Variants in NBAS observed in about 807,000 individuals in gnomAD.
The protein encoded by NBAS is NBAS subunit of NRZ tethering complex, also known as NAG/BC035112 fusion.
Under a neutral mutation model 302.5 loss-of-function variants are expected in NBAS, and 219 were observed. The ratio of observed to expected loss-of-function variants is 0.72; its 90% CI spans 0.65 to 0.81. NBAS has a LOEUF of 0.81. Ranked by LOEUF, NBAS falls within the 30% of genes least tolerant of loss-of-function variation. The pLI is 0.00. For missense variants in NBAS, 2,932 were observed against 2,841.6 expected (o/e 1.03, Z -0.72); for synonymous variants, 1,118 against 1,021.6 (o/e 1.09, Z -1.80).
At chr2:15,292,798 C>A in intron 40 of NBAS, 32 bp from the exon 41 acceptor site, 1 of 1,598,416 alleles carries the variant, frequency 6.3e-7, no homozygotes, top group Non-Finnish European at 8.6e-7. Context: ...AGACATTTTA[C>A]CAACATCATA....
chr2:15,389,152 C>CA (rs1675463491), intron 28 of NBAS, among the ~76,000 whole-genome samples: 1 of 152,176 alleles, frequency 6.6e-6, no homozygotes, highest in Non-Finnish European at 1.5e-5. Flanking sequence ...GACAGGCTCT[C>CA]AAACAATGAT....
the NBAS span, among the ~76,000 whole-genome samples, chr2:14,955,898 G>A: frequency 6.6e-6 from 1 of 152,322 alleles, no homozygotes; most frequent in Admixed American, 6.5e-5. Flanking sequence ...TTTCCCCATT[G>A]CCTTGGGGAC....
chr2:15,202,409 T>C (rs189241281), intron 48 of NBAS, among the ~76,000 whole-genome samples: 214 of 152,330 alleles, frequency 1.4e-3, no homozygotes, highest in African/African-American at 4.2e-3. Context: ...AGGGGAAATA[T>C]TTTGTGTTAA....
intron 15 of NBAS, among the ~76,000 whole-genome samples, 180 bp from the exon 16 acceptor site, chr2:15,473,527 T>C (rs1240497421): frequency 6.6e-6 from 1 of 152,188 alleles, no homozygotes; most frequent in Non-Finnish European, 1.5e-5. Context: ...CGTGTTTCTT[T>C]CAGCACTTCA....
the NBAS span, among the ~76,000 whole-genome samples, chr2:14,810,265 G>T: frequency 3.3e-5 from 5 of 152,154 alleles, no homozygotes; most frequent in Non-Finnish European, 5.9e-5. Flanking sequence ...ATATGGTTTG[G>T]CTGTGTCCCC....
At chr2:15,497,811 C>T (rs1681124337) in intron 11 of NBAS, among the ~76,000 whole-genome samples, 1 of 152,150 alleles carries the variant, frequency 6.6e-6, no homozygotes, top group Admixed American at 6.5e-5. Flanking sequence ...ACAGAGCACA[C>T]ATTTAATTTG....
chr2:15,377,927 G>A (rs962128597), intron 30 of NBAS, among the ~76,000 whole-genome samples: 2 of 152,134 alleles, frequency 1.3e-5, no homozygotes, highest in Non-Finnish European at 2.9e-5. Flanking sequence ...AATACTGAGT[G>A]GATAATTCCT....
At position 15,301,717 on chromosome 2, in the gene NBAS, C is replaced by A. The variant is rs1168594393; in HGVS notation, c.4797+6499G>T. 2.0e-5 allele frequency among the ~76,000 whole-genome samples: 3 copies of A among 152,326 alleles called. No homozygotes were observed. In the East Asian group the frequency reaches 5.8e-4, roughly 29 times the overall value. ...ACATGCGCTCTGACAGAGGTAAGTA[C>A]AGGGGAGTACAAAAGCACATGGGGG... On this transcript the variant is annotated intron_variant, in intron 40 of 51. Transcript: ENST00000281513.
At chr2:15,001,598 T>C in the NBAS span, among the ~76,000 whole-genome samples, 1 of 152,130 alleles carries the variant, frequency 6.6e-6, no homozygotes, top group Non-Finnish European at 1.5e-5. Context: ...TGACATATCA[T>C]ATATATATAA....
At chr2:15,443,229 T>A (rs1225377277) in intron 21 of NBAS, among the ~76,000 whole-genome samples, 1 of 152,066 alleles carries the variant, frequency 6.6e-6, no homozygotes, top group Admixed American at 6.6e-5. Flanking sequence ...ATATCCTTGA[T>A]GAACACTGAT....
chr2:15,545,866 C>T (rs578146455), intron 6 of NBAS, among the ~76,000 whole-genome samples: 26 of 152,302 alleles, frequency 1.7e-4, no homozygotes, highest in East Asian at 5.8e-4. Context: ...CCTTCATGAA[C>T]GCAGATGCAA....
chr2:15,243,093 A>T (rs567943480), intron 44 of NBAS, among the ~76,000 whole-genome samples: 4 of 152,158 alleles, frequency 2.6e-5, no homozygotes, highest in African/African-American at 9.6e-5. Flanking sequence ...GCCACCACTC[A>T]GTTCCCAGCC....
At chr2:15,190,156 A>C in intron 49 of NBAS, 108 bp downstream of exon 49, 1 of 1,266,202 alleles carries the variant, frequency 7.9e-7, no homozygotes, top group Admixed American at 1.9e-5. Flanking sequence ...CTGACTACGC[A>C]CACACATATA....
the NBAS span, among the ~76,000 whole-genome samples, chr2:14,990,662 CA>C: frequency 6.6e-6 from 1 of 152,120 alleles, no homozygotes; most frequent in African/African-American, 2.4e-5. Flanking sequence ...GACAGGGCCT[CA>C]CTATGTTGTC....
At chr2:15,462,164 A>T (rs1484042218) in intron 19 of NBAS, among the ~76,000 whole-genome samples, 1 of 152,240 alleles carries the variant, frequency 6.6e-6, no homozygotes, top group Non-Finnish European at 1.5e-5. Flanking sequence ...AGGGTGACCT[A>T]TGTCAAATGC....
At chr2:15,487,959 C>A in intron 12 of NBAS, among the ~76,000 whole-genome samples, 1 of 152,106 alleles carries the variant, frequency 6.6e-6, no homozygotes, top group South Asian at 2.1e-4. Flanking sequence ...ATAAGAATAT[C>A]TAAAACAAAT....
At chr2:15,066,556 C>T in the NBAS span, among the ~76,000 whole-genome samples, 1 of 152,142 alleles carries the variant, frequency 6.6e-6, no homozygotes, top group Non-Finnish European at 1.5e-5. Context: ...ATTGAACAGA[C>T]ATTTCTCCAC....
the NBAS span, among the ~76,000 whole-genome samples, chr2:15,069,635 A>G: frequency 6.6e-6 from 1 of 152,188 alleles, no homozygotes; most frequent in South Asian, 2.1e-4. Context: ...CACATTTCAA[A>G]GGATGAAAAG....
chr2:15,129,763 T>C, the NBAS span, among the ~76,000 whole-genome samples: 1 of 152,142 alleles, frequency 6.6e-6, no homozygotes, highest in East Asian at 1.9e-4. Flanking sequence ...CTCCTTTGAG[T>C]TCTCATGAGT....
Sources: gnomAD v4.1 joint callset for allele counts (sites outside exome capture counted in the v4.1 genomes callset) on GRCh38, gnomAD v4.1.1 for gene constraint, MANE v1.5 for transcripts, NCBI Gene and HGNC (gene_info 2026-07-23, HGNC 2026-07-21) for gene names.